SCLT1: variants seen among roughly 807,000 people sequenced by gnomAD.
The protein encoded by SCLT1 is sodium channel and clathrin linker 1.
A neutral mutation model predicts 112.8 loss-of-function variants in SCLT1; 78 were observed. The observed-to-expected ratio is 0.69, with a 90% CI of 0.58 to 0.83. The LOEUF (loss-of-function observed/expected upper bound fraction) is 0.83. Ranked by LOEUF, SCLT1 falls within the 40% of genes least tolerant of loss-of-function variation. SCLT1 has a pLI of 0.00. For synonymous variants in SCLT1, 257 were observed against 254.7 expected (o/e 1.01, Z -0.09); for missense variants, 747 against 770.4 (o/e 0.97, Z 0.36).
intron 9 of SCLT1, among the ~76,000 whole-genome samples, chr4:128,987,709 A>T (rs139145202): frequency 6.6e-6 from 1 of 152,272 alleles, no homozygotes; most frequent in African/African-American, 2.4e-5. Context: ...AAAGGGGCAA[A>T]TCTAAGAGTT....
chr4:129,050,182 T>C (rs1277884996), intron 2 of SCLT1, among the ~76,000 whole-genome samples: 1 of 152,206 alleles, frequency 6.6e-6, no homozygotes, highest in Non-Finnish European at 1.5e-5. Context: ...CTATTGTAAA[T>C]AGTGCTTCAA....
intron 5 of SCLT1, among the ~76,000 whole-genome samples, chr4:129,014,017 T>G (rs1744777789): frequency 6.6e-6 from 1 of 152,224 alleles, no homozygotes; most frequent in Non-Finnish European, 1.5e-5. Context: ...TTTCATTCTT[T>G]TATTTCTATT....
chr4:129,038,946 A>C (rs577502147), intron 5 of SCLT1, 95 bp downstream of exon 5: 1 of 790,434 alleles, frequency 1.3e-6, no homozygotes, highest in East Asian at 2.7e-5. Context: ...CCACATTCTT[A>C]ACTATTAATA....
intron 9 of SCLT1, among the ~76,000 whole-genome samples, chr4:128,978,838 G>A (rs1674946696): frequency 6.6e-6 from 1 of 152,040 alleles, no homozygotes; most frequent in African/African-American, 2.4e-5. Flanking sequence ...ACATACAGGA[G>A]GGAATAGAAA....
At chr4:129,021,413 T>C (rs1405691857) in intron 5 of SCLT1, among the ~76,000 whole-genome samples, 1 of 152,136 alleles carries the variant, frequency 6.6e-6, no homozygotes, top group Non-Finnish European at 1.5e-5. Context: ...CCAACTCCCA[T>C]GAAACCCAGC....
intron 2 of SCLT1, among the ~76,000 whole-genome samples, chr4:129,051,791 C>T (rs1037306895): frequency 2.6e-5 from 4 of 152,122 alleles, no homozygotes; most frequent in African/African-American, 7.2e-5. Context: ...AGAGGGCATC[C>T]TTGTCACGTG....
chr4:129,031,587 T>A (rs1746726724), intron 5 of SCLT1, among the ~76,000 whole-genome samples: 1 of 152,126 alleles, frequency 6.6e-6, no homozygotes, highest in Non-Finnish European at 1.5e-5. Context: ...CAGAAACTCC[T>A]TAAGCTGATA....
At chr4:128,981,305 A>G (rs898901139) in intron 9 of SCLT1, among the ~76,000 whole-genome samples, 4 of 152,220 alleles carry the variant, frequency 2.6e-5, no homozygotes. Context: ...AGCCCTTCCC[A>G]AAAGCTAGAC....
chr4:128,928,836 A>C (rs372857843), intron 18 of SCLT1, among the ~76,000 whole-genome samples: 1 of 11,748 alleles, frequency 8.5e-5, no homozygotes, highest in South Asian at 1.5e-3. Flanking sequence ...CCGTCTCGCA[A>C]AAAAAAAAAA....
intron 2 of SCLT1, among the ~76,000 whole-genome samples, chr4:129,064,224 A>G (rs1750266082): frequency 6.6e-6 from 1 of 152,210 alleles, no homozygotes; most frequent in African/African-American, 2.4e-5. Context: ...TTAAGATAGT[A>G]ATAACCAGTC....
At chr4:129,066,989 A>G (rs1579913130) in intron 2 of SCLT1, among the ~76,000 whole-genome samples, 1 of 152,218 alleles carries the variant, frequency 6.6e-6, no homozygotes. Context: ...ATTTCTTAAC[A>G]AAAATAAAAC....
chr4:129,079,441 G>C (rs1025813494), intron 2 of SCLT1, among the ~76,000 whole-genome samples: 2 of 152,170 alleles, frequency 1.3e-5, no homozygotes, highest in Non-Finnish European at 2.9e-5. Flanking sequence ...AGGCCGCGGG[G>C]CATGTCCAAA....
At chr4:128,992,592 A>C (rs1742669763) in intron 8 of SCLT1, among the ~76,000 whole-genome samples, 1 of 151,880 alleles carries the variant, frequency 6.6e-6, no homozygotes, top group African/African-American at 2.4e-5. Context: ...TATATAAAAA[A>C]CCCAAACTCC....
At chr4:129,044,991 G>A (rs2125701448) in intron 2 of SCLT1, among the ~76,000 whole-genome samples, 1 of 152,104 alleles carries the variant, frequency 6.6e-6, no homozygotes, top group African/African-American at 2.4e-5. Context: ...TTATAGGTAT[G>A]TGGTATATAA....
Position 128,999,793 on chromosome 4 carries a change from T to C in SCLT1, c.428A>G (p.Glu143Gly). Residue 143 changes from glutamate to glycine, a missense_variant and splice_region_variant, in exon 7 of 21, where the codon GAA becomes GGA. Transcript: ENST00000281142. ...LQEQLQLANQ[E>G]KTQAVELWQT... ...CCAGAGTTCCACAGCCTGAGTTTTT[T>C]CCTATTAAAAAAGTTTGATAACTCA... The C allele has an allele frequency of 6.3e-7, 1 of 1,594,440 alleles. No homozygotes were observed. The highest frequency in any genetic ancestry group is 8.5e-7 in the Non-Finnish European group (1 of 1,171,426).
At chr4:128,972,052 G>A (rs1174621040) in intron 9 of SCLT1, 1 of 151,594 alleles carries the variant, frequency 6.6e-6, no homozygotes, top group Non-Finnish European at 1.5e-5. Flanking sequence ...ACAAAAATAG[G>A]TTTTTTTCAT....
intron 18 of SCLT1, among the ~76,000 whole-genome samples, chr4:128,930,108 A>G (rs912836366): frequency 9.9e-5 from 15 of 152,184 alleles, no homozygotes; most frequent in African/African-American, 3.6e-4. Context: ...GTCTGGATTT[A>G]GCAACTCACT....
chr4:129,018,426 C>T (rs1171123608), intron 5 of SCLT1, among the ~76,000 whole-genome samples: 3 of 152,138 alleles, frequency 2.0e-5, no homozygotes, highest in Non-Finnish European at 2.9e-5. Context: ...AACACCTAAA[C>T]TGAATGTGAA....
chr4:128,953,629 T>C (rs1016848136), intron 13 of SCLT1, among the ~76,000 whole-genome samples: 1 of 144,154 alleles, frequency 6.9e-6, no homozygotes, highest in Admixed American at 7.0e-5. Context: ...TCCGTCTCTA[T>C]AAAAAAAAAA....
Sources: allele counts gnomAD v4.1 joint callset (sites outside exome capture counted in the v4.1 genomes callset), GRCh38; gene constraint gnomAD v4.1.1; transcripts MANE v1.5; gene names NCBI Gene and HGNC (gene_info 2026-07-23, HGNC 2026-07-21).